Variants in ZNF248 observed in about 807,000 individuals in gnomAD.
ZNF248 encodes zinc finger protein 248.
A neutral mutation model predicts 44.3 loss-of-function variants in ZNF248; 20 were observed. The ratio of observed to expected loss-of-function variants is 0.45; its 90% CI spans 0.32 to 0.66. The LOEUF is 0.66. Among genes scored for constraint, ZNF248 ranks in the 30% least tolerant of loss-of-function variants. ZNF248 has a pLI of 0.04. For missense variants in ZNF248, 654 were observed against 677.0 expected, an observed-to-expected ratio of 0.97 and a Z score of 0.38; for synonymous variants, 224 against 229.0, an observed-to-expected ratio of 0.98 and a Z score of 0.20.
At chr10:37,772,307 C>T (rs569892519), downstream of ZNF248, among the ~76,000 whole-genome samples, 8 of 151,426 alleles carry the variant, frequency 5.3e-5, no homozygotes, top group African/African-American at 1.9e-4. Context: ...TCTGCATTTA[C>T]AGCCATTTTT....
downstream of ZNF248, among the ~76,000 whole-genome samples, chr10:37,827,358 C>T (rs2054537781): frequency 6.6e-6 from 1 of 152,184 alleles, no homozygotes; most frequent in Admixed American, 6.5e-5. Context: ...ATAACTACCC[C>T]ATTCTGTAGA....
chr10:37,857,367 C>T lies in ZNF248; in HGVS notation c.-308G>A, dbSNP rs1039146860. Reference sequence around the variant, plus strand: ...GTGGTCAGCTAGGCCAGCCCCTTCGCTCCTGCACTCCACGGGCAGAGAGGC... The same window carrying T: ...GTGGTCAGCTAGGCCAGCCCCTTCGTTCCTGCACTCCACGGGCAGAGAGGC... On this transcript the variant is annotated 5_prime_UTR_variant, in exon 1 of 6. Transcript: ENST00000395867. 1 of 152,326 alleles carries T rather than the reference C, an allele frequency of 6.6e-6. No homozygotes were observed. Among genetic ancestry groups the T allele is most frequent in the African/African-American group, 2.4e-5 (1 of 41,472 alleles). 9.4% of individuals were successfully genotyped at this position (152,326 alleles called of 1,614,324 possible).
intron 6 of ZNF248, chr10:37,791,457 A>G (rs1432088326): frequency 6.6e-6 from 1 of 152,160 alleles, no homozygotes; most frequent in Non-Finnish European, 1.5e-5. Context: ...ACTTTCAGGT[A>G]TATTCGTTTT....
At chr10:37,773,220 G>C (rs999678717), downstream of ZNF248, among the ~76,000 whole-genome samples, 20 of 152,102 alleles carry the variant, frequency 1.3e-4, no homozygotes, top group Admixed American at 3.9e-4. Context: ...ACTCCAGCCT[G>C]GGCAACAGAA....
the ZNF248 span, among the ~76,000 whole-genome samples, chr10:37,766,388 C>T: frequency 5.3e-5 from 8 of 152,158 alleles, no homozygotes; most frequent in East Asian, 1.9e-4. Context: ...CTCACATGGC[C>T]GGGTACTCCT....
intron 6 of ZNF248, among the ~76,000 whole-genome samples, chr10:37,799,722 A>C (rs2049571033): frequency 6.6e-6 from 1 of 152,214 alleles, no homozygotes; most frequent in Admixed American, 6.5e-5. Context: ...GGAAGAAAAA[A>C]TACACACAGA....
intron 6 of ZNF248, among the ~76,000 whole-genome samples, chr10:37,791,074 G>A (rs1172381164): frequency 9.1e-5 from 3 of 32,874 alleles, no homozygotes; most frequent in African/African-American, 1.2e-4. Context: ...TTTTTTTTGA[G>A]ACAGAGTCTC....
chr10:37,822,750 C>T (rs2053681642), intron 6 of ZNF248, among the ~76,000 whole-genome samples: 1 of 151,782 alleles, frequency 6.6e-6, no homozygotes, highest in Non-Finnish European at 1.5e-5. Context: ...AGGTGATGAG[C>T]TAAAAAAAGT....
intron 6 of ZNF248, among the ~76,000 whole-genome samples, chr10:37,804,730 C>T (rs1290824259): frequency 3.3e-5 from 5 of 152,194 alleles, no homozygotes; most frequent in Non-Finnish European, 7.3e-5. Flanking sequence ...GCGTCAGCCA[C>T]GGCACCCAGC....
the ZNF248 span, among the ~76,000 whole-genome samples, chr10:37,764,273 G>A: frequency 3.5e-4 from 53 of 152,230 alleles, no homozygotes; most frequent in African/African-American, 4.3e-4. Context: ...CCGGTCTCCC[G>A]TAGCACTCCC....
chr10:37,842,897 T>C (rs1371048627), intron 3 of ZNF248, among the ~76,000 whole-genome samples: 1 of 152,088 alleles, frequency 6.6e-6, no homozygotes, highest in Admixed American at 6.6e-5. Context: ...TTTAAGAAGA[T>C]CATAAGCTTT....
chr10:37,789,345 T>C (rs2048248872), intron 6 of ZNF248, among the ~76,000 whole-genome samples: 1 of 151,602 alleles, frequency 6.6e-6, no homozygotes, highest in Non-Finnish European at 1.5e-5. Context: ...AAAAATGCCC[T>C]CTACAGAGTA....
At chr10:37,782,184 G>C (rs2047395137) in intron 6 of ZNF248, among the ~76,000 whole-genome samples, 1 of 152,156 alleles carries the variant, frequency 6.6e-6, no homozygotes, top group Admixed American at 6.5e-5. Flanking sequence ...ACCAACTGTG[G>C]TCTTGCCTCT....
chr10:37,837,884 A>G (rs990100190), intron 4 of ZNF248, 101 bp downstream of exon 4: 19 of 1,488,882 alleles, frequency 1.3e-5, no homozygotes, highest in African/African-American at 2.8e-5. Flanking sequence ...GGGATCAGTC[A>G]TCTCAGAGCC....
chr10:37,844,104 C>A (rs1256885428), intron 3 of ZNF248, among the ~76,000 whole-genome samples: 1 of 152,146 alleles, frequency 6.6e-6, no homozygotes, highest in Non-Finnish European at 1.5e-5. Flanking sequence ...CCAAAGAGAT[C>A]CACTGAGGCA....
chr10:37,828,133 A>C (rs2054681143), downstream of ZNF248, among the ~76,000 whole-genome samples: 2 of 152,310 alleles, frequency 1.3e-5, no homozygotes, highest in South Asian at 4.1e-4. Context: ...ATCAAAGTAC[A>C]TTACAGGTAA....
intron 6 of ZNF248, among the ~76,000 whole-genome samples, chr10:37,786,276 G>A (rs1299989121): frequency 1.3e-5 from 2 of 152,156 alleles, no homozygotes; most frequent in African/African-American, 4.8e-5. Flanking sequence ...ACAGTGAATT[G>A]TTCTATTTGG....
chr10:37,818,400 T>C (rs1316654668), intron 6 of ZNF248, among the ~76,000 whole-genome samples: 1 of 152,168 alleles, frequency 6.6e-6, no homozygotes, highest in Non-Finnish European at 1.5e-5. Context: ...CCTTTTCCTA[T>C]GAGGCCTGGC....
intron 6 of ZNF248, among the ~76,000 whole-genome samples, chr10:37,821,680 C>T (rs1468073804): frequency 1.3e-5 from 2 of 152,234 alleles, no homozygotes; most frequent in Admixed American, 6.5e-5. Context: ...AGTCCCTACC[C>T]TTACTCCCTC....
Sources: allele counts gnomAD v4.1 joint callset (sites outside exome capture counted in the v4.1 genomes callset), GRCh38; gene constraint gnomAD v4.1.1; transcripts MANE v1.5; gene names NCBI Gene and HGNC (gene_info 2026-07-23, HGNC 2026-07-21).